AK9: variants seen among roughly 807,000 people sequenced by gnomAD.
AK9 encodes adenylate kinase 9.
Under a neutral mutation model 239.6 loss-of-function variants are expected in AK9, and 191 were observed. The observed-to-expected ratio is 0.80, with a 90% CI of 0.71 to 0.90. The LOEUF (loss-of-function observed/expected upper bound fraction) is 0.90, where lower values mean the gene tolerates loss of function less well. AK9 is among the 40% of genes least tolerant of loss of function. The pLI is 0.00. For missense variants in AK9, 1,995 were observed against 2,214.7 expected, an observed-to-expected ratio of 0.90 and a Z score of 1.99; for synonymous variants, 689 against 721.0, an observed-to-expected ratio of 0.96 and a Z score of 0.71.
intron 17 of AK9, among the ~76,000 whole-genome samples, chr6:109,590,045 G>A (rs1372078310): frequency 2.0e-5 from 3 of 151,938 alleles, no homozygotes; most frequent in Admixed American, 6.5e-5. Context: ...TTGTGTCCTT[G>A]TCTGGCTTTG....
chr6:109,542,048 G>A lies in AK9; in HGVS notation c.3349C>T (p.Arg1117Cys), dbSNP rs139150987. The change falls in exon 27 of 41, where the codon CGT (arginine) becomes TGT (cysteine). Residue 1117 changes from arginine (R) to cysteine (C), a missense_variant and splice_region_variant. Around this residue, in one of 5 missense-constraint regions of AK9, gnomAD observed 1,290 missense variants for 1,392.7 expected, o/e 0.93. Transcript: ENST00000424296. ...ACAATTCTATATAAATTAAGATACC[G>A]TATTGGTTCCTTAAGCCACCACTCA... ...LSEWWLKEPI[R>C]STGFILDGFP... 1.5e-4 allele frequency: 244 copies of A among 1,584,706 alleles called. No homozygotes were observed. In the African/African-American group the frequency reaches 2.6e-3, roughly 17 times the overall value.
chr6:109,601,421 A>G (rs901748437), intron 17 of AK9, among the ~76,000 whole-genome samples: 8 of 152,148 alleles, frequency 5.3e-5, no homozygotes, highest in Non-Finnish European at 1.0e-4. Context: ...TTCTAGTTTG[A>G]TTGCACTGTG....
chr6:109,516,758 G>A, intron 29 of AK9, 116 bp from the exon 30 acceptor site: 1 of 853,476 alleles, frequency 1.2e-6, no homozygotes, highest in Non-Finnish European at 1.8e-6. Flanking sequence ...ATTGCATGTT[G>A]ACATTCATCT....
At chr6:109,661,799 T>A (rs1336234131) in intron 6 of AK9, among the ~76,000 whole-genome samples, 1 of 152,182 alleles carries the variant, frequency 6.6e-6, no homozygotes, top group Non-Finnish European at 1.5e-5. Context: ...AAGCTTATCA[T>A]TCATTTTGAC....
chr6:109,666,212 T>C (rs144738475), intron 5 of AK9, among the ~76,000 whole-genome samples: 1 of 152,128 alleles, frequency 6.6e-6, no homozygotes, highest in Non-Finnish European at 1.5e-5. Context: ...GGATAGACAA[T>C]TATGTCATCT....
At chr6:109,544,602 C>T (rs1783298481) in intron 26 of AK9, among the ~76,000 whole-genome samples, 1 of 152,174 alleles carries the variant, frequency 6.6e-6, no homozygotes, top group South Asian at 2.1e-4. Context: ...TCACCTTCTG[C>T]CATGATTGTA....
At chr6:109,669,133 T>C (rs1801698350) in intron 5 of AK9, among the ~76,000 whole-genome samples, 1 of 151,650 alleles carries the variant, frequency 6.6e-6, no homozygotes, top group South Asian at 2.1e-4. Flanking sequence ...GTTGGATTCC[T>C]AGGTATTTTA....
intron 25 of AK9, 41 bp downstream of exon 25, chr6:109,550,049 A>C (rs1394763025): frequency 1.3e-5 from 20 of 1,589,350 alleles, no homozygotes; most frequent in Non-Finnish European, 1.6e-5. Context: ...TCCCAAAAAA[A>C]TCCTGTGGGA....
intron 29 of AK9, among the ~76,000 whole-genome samples, chr6:109,519,425 T>C (rs1173113767): frequency 6.6e-6 from 1 of 152,194 alleles, no homozygotes; most frequent in Admixed American, 6.6e-5. Context: ...CTAATTTACA[T>C]TCCCCTCAAG....
chr6:109,538,334 G>A (rs907381655), intron 27 of AK9, among the ~76,000 whole-genome samples: 1 of 152,184 alleles, frequency 6.6e-6, no homozygotes, highest in Non-Finnish European at 1.5e-5. Flanking sequence ...TCTTCTTGTT[G>A]AATTGATCCC....
intron 1 of AK9, among the ~76,000 whole-genome samples, chr6:109,676,565 T>C (rs1405533029): frequency 6.6e-6 from 1 of 152,048 alleles, no homozygotes; most frequent in Non-Finnish European, 1.5e-5. Flanking sequence ...GAGACATATC[T>C]CTTGATCACG....
At chr6:109,564,587 G>T (rs562415466) in intron 22 of AK9, among the ~76,000 whole-genome samples, 169 bp downstream of exon 22, 1 of 152,112 alleles carries the variant, frequency 6.6e-6, no homozygotes, top group Admixed American at 6.6e-5. Context: ...TTATAATCTA[G>T]TTTGATACAC....
intron 21 of AK9, among the ~76,000 whole-genome samples, chr6:109,568,500 C>T (rs1190800770): frequency 6.6e-6 from 1 of 152,136 alleles, no homozygotes; most frequent in East Asian, 1.9e-4. Flanking sequence ...TCCCTGTTTG[C>T]AAATGACATG....
At position 109,614,074 on chromosome 6, in the gene AK9, G is replaced by C. The variant is rs1276689611; in HGVS notation, c.1609+109C>G. On this transcript the variant is annotated intron_variant, in intron 15 of 40. Transcript: ENST00000424296. Reference sequence around the variant, plus strand: ...GGAAATATTTAGCTTTTTTCCTCCTGAAGTTTCCAATTTTGGGGGTAATTT... The same window carrying C: ...GGAAATATTTAGCTTTTTTCCTCCTCAAGTTTCCAATTTTGGGGGTAATTT... 1.6e-5 allele frequency: 17 copies of C among 1,093,614 alleles called. No homozygotes were observed. The Admixed American group carries it at 2.0e-4, about 13-fold the overall frequency. 67.7% of individuals were successfully genotyped at this position (1,093,614 alleles called of 1,614,324 possible).
intron 17 of AK9, among the ~76,000 whole-genome samples, chr6:109,609,058 T>C (rs2128237666): frequency 6.6e-6 from 1 of 152,346 alleles, no homozygotes; most frequent in East Asian, 1.9e-4. Context: ...ATATGAGCTT[T>C]GGTGTTAAAA....
At chr6:109,602,147 G>A (rs1448535374) in intron 17 of AK9, among the ~76,000 whole-genome samples, 3 of 152,146 alleles carry the variant, frequency 2.0e-5, no homozygotes, top group Non-Finnish European at 4.4e-5. Flanking sequence ...TTGCTCATTA[G>A]TTGATAGTTT....
chr6:109,545,286 C>G (rs1783402324), intron 26 of AK9, among the ~76,000 whole-genome samples: 1 of 152,102 alleles, frequency 6.6e-6, no homozygotes, highest in East Asian at 1.9e-4. Flanking sequence ...ACAAAAAATA[C>G]CAAAACTAGC....
intron 5 of AK9, among the ~76,000 whole-genome samples, chr6:109,666,059 T>C (rs909142499): frequency 6.6e-6 from 1 of 152,192 alleles, no homozygotes; most frequent in African/African-American, 2.4e-5. Context: ...ATAAGTAATT[T>C]CCATGGATCT....
At chr6:109,663,237 A>T (rs1800681628) in intron 5 of AK9, among the ~76,000 whole-genome samples, 1 of 152,104 alleles carries the variant, frequency 6.6e-6, no homozygotes, top group South Asian at 2.1e-4. Context: ...TTCACCGTTT[A>T]CCATCATCAT....
Sources: allele counts gnomAD v4.1 joint callset (sites outside exome capture counted in the v4.1 genomes callset), GRCh38; gene constraint gnomAD v4.1.1; regional missense constraint gnomAD v4.1.1; transcripts MANE v1.5; gene names NCBI Gene and HGNC (gene_info 2026-07-23, HGNC 2026-07-21).